The following APP variants were observed in gnomAD, a reference collection of about 807,000 sequenced individuals.
APP encodes the protein amyloid-beta precursor protein.
APP carries 31 observed loss-of-function variants against 101.4 expected under a neutral mutation model. That is an observed-to-expected ratio of 0.31 (90% CI 0.23 to 0.41). The LOEUF is 0.41. Among genes scored for constraint, APP ranks in the 10% least tolerant of loss-of-function variants. APP has a pLI of 1.00. For missense variants in APP, 839 were observed against 1,003.7 expected, an observed-to-expected ratio of 0.84 and a Z score of 2.22; for synonymous variants, 366 against 364.4, an observed-to-expected ratio of 1.00 and a Z score of -0.05.
chr21:26,058,789 T>C (rs45441392), intron 3 of APP, among the ~76,000 whole-genome samples: 96 of 151,686 alleles, frequency 6.3e-4, no homozygotes, highest in African/African-American at 2.1e-3. Flanking sequence ...ATGTTTAAAA[T>C]AAAGACATTA....
At chr21:26,100,468 T>C (rs1396293293) in intron 2 of APP, among the ~76,000 whole-genome samples, 2 of 152,228 alleles carry the variant, frequency 1.3e-5, no homozygotes, top group Non-Finnish European at 2.9e-5. Flanking sequence ...GTACCAGACC[T>C]TCTACCATAG....
chr21:25,985,096 A>G (rs1241705362), intron 8 of APP, among the ~76,000 whole-genome samples: 1 of 152,240 alleles, frequency 6.6e-6, no homozygotes, highest in Non-Finnish European at 1.5e-5. Flanking sequence ...GCACTTAGCA[A>G]CATAATAAGA....
At chr21:25,969,874 G>A (rs979734616) in intron 11 of APP, among the ~76,000 whole-genome samples, 3 of 16,504 alleles carry the variant, frequency 1.8e-4, no homozygotes, top group African/African-American at 2.0e-4. Context: ...GAAAAGAAAA[G>A]AGAAAAGAAA....
chr21:25,911,909 T>C lies in APP; in HGVS notation c.1741A>G (p.Ile581Val). ...CCGTAACTGATCCTTGGTTCACTAA[T>C]CATGTTGGCCAAGACGTCATCTGAA... ...NYSDDVLANM[I>V]SEPRISYGND... The change falls in exon 14 of 18, where the codon ATT becomes GTT. Residue 581 changes from isoleucine (I) to valine (V), a missense_variant. Transcript: ENST00000346798. The C allele has an allele frequency of 6.2e-7, 1 of 1,614,180 alleles. No individual in the cohort carries two copies. Among genetic ancestry groups the C allele is most frequent in the Non-Finnish European group, 8.5e-7 (1 of 1,180,036 alleles).
chr21:25,947,333 GC>G (rs34345720), intron 13 of APP, among the ~76,000 whole-genome samples: 152,340 of 152,340 alleles, frequency 1, 76,170 homozygotes, highest in Non-Finnish European at 1. Flanking sequence ...TTCGACACCT[GC>G]AGGTCTGTAA....
In APP at chr21:25,999,679, C is replaced by T. The variant is rs45523140; in HGVS notation, c.1033+336G>A. Among the ~76,000 whole-genome samples the T allele has an allele frequency of 7.9e-4, 121 of 152,292 alleles. 1 individual carries two copies. The highest frequency in any genetic ancestry group is 2.9e-3 in the African/African-American group (120 of 41,548). Reference sequence around the variant, plus strand: ...GTACACGGACAAACACATAAGTATGCATTTGCAGAAACGGCTGGCTGCAGA... The same window carrying T: ...GTACACGGACAAACACATAAGTATGTATTTGCAGAAACGGCTGGCTGCAGA... On this transcript the variant is annotated intron_variant, in intron 7 of 17. Coordinates refer to ENST00000346798, the MANE Select transcript of APP (RefSeq NM_000484.4).
chr21:26,163,000 G>C (rs1204808652), intron 1 of APP, among the ~76,000 whole-genome samples: 1 of 149,646 alleles, frequency 6.7e-6, no homozygotes, highest in African/African-American at 2.5e-5. Context: ...GGCCTAGGTG[G>C]GTGGATCACT....
chr21:25,934,558 C>G (rs1260252583), intron 13 of APP: 1 of 152,148 alleles, frequency 6.6e-6, no homozygotes, highest in East Asian at 1.9e-4. Context: ...GCCTCAGCCT[C>G]CCGAGTAGCT....
intron 6 of APP, among the ~76,000 whole-genome samples, chr21:26,017,803 T>C (rs2044167439): frequency 6.6e-6 from 1 of 152,220 alleles, no homozygotes; most frequent in Admixed American, 6.5e-5. Context: ...GGAGCAAGTA[T>C]CTAAATACAC....
chr21:26,140,713 A>T (rs1161980135), intron 1 of APP, among the ~76,000 whole-genome samples: 2 of 152,240 alleles, frequency 1.3e-5, no homozygotes, highest in African/African-American at 2.4e-5. Context: ...ACCTTTAAAA[A>T]TTCTGCTTTT....
intron 3 of APP, among the ~76,000 whole-genome samples, chr21:26,066,537 A>AT (rs1280015277): frequency 7.3e-6 from 1 of 137,342 alleles, no homozygotes; most frequent in Non-Finnish European, 1.5e-5. Context: ...GGAAACCACC[A>AT]TTCTGTTTTC....
intron 13 of APP, among the ~76,000 whole-genome samples, chr21:25,933,383 G>A (rs1569074382): frequency 6.6e-6 from 1 of 152,218 alleles, no homozygotes; most frequent in Non-Finnish European, 1.5e-5. Flanking sequence ...GACTATAGGT[G>A]TAAGCCATCG....
chr21:26,108,508 G>A (rs1275022312), intron 2 of APP, among the ~76,000 whole-genome samples: 5 of 152,208 alleles, frequency 3.3e-5, no homozygotes, highest in Admixed American at 1.3e-4. Flanking sequence ...CTGGGAGAAC[G>A]AAGATATATG....
rs373564278 is a variant in APP, at chr21:25,954,762, C to CT, written c.1588-74dup. 15,428 of 1,109,952 alleles carry CT rather than the reference C, an allele frequency of 0.014. 117 individuals carry two copies. Among genetic ancestry groups the CT allele is most frequent in the African/African-American group, 0.075 (4,712 of 62,946 alleles). 68.8% of individuals were successfully genotyped at this position (1,109,952 alleles called of 1,614,324 possible). On this transcript the variant is annotated intron_variant, in intron 12 of 17. Transcript: ENST00000346798. ...AATGGTTCTTTTTCTTTCTTTTTTT[C>CT]TTTTTTTTTTGAGACGGAGTCTCGC...
chr21:26,163,329 CCTT>C (rs1472927614), intron 1 of APP, among the ~76,000 whole-genome samples: 12 of 147,824 alleles, frequency 8.1e-5, no homozygotes, highest in Non-Finnish European at 1.6e-4. Flanking sequence ...CATAAGAAAA[CCTT>C]CTGACTTTGT....
chr21:26,096,455 T>C (rs2061943979), intron 2 of APP, among the ~76,000 whole-genome samples: 2 of 242 alleles, frequency 8.3e-3, no homozygotes, highest in African/African-American at 0.018. Flanking sequence ...GTGACTGTAT[T>C]TCAAACTCTG....
chr21:25,972,205 C>T (rs2042057584), intron 11 of APP, among the ~76,000 whole-genome samples: 1 of 151,872 alleles, frequency 6.6e-6, no homozygotes, highest in African/African-American at 2.4e-5. Flanking sequence ...CTATATACAA[C>T]AACTACAGTA....
intron 15 of APP, among the ~76,000 whole-genome samples, chr21:25,898,489 T>C (rs183365388): frequency 2.6e-5 from 4 of 152,224 alleles, no homozygotes; most frequent in African/African-American, 7.2e-5. Context: ...CATTTAATTA[T>C]CAAACATCAG....
At chr21:25,964,066 C>T (rs993147789) in intron 11 of APP, among the ~76,000 whole-genome samples, 6 of 152,180 alleles carry the variant, frequency 3.9e-5, no homozygotes, top group Non-Finnish European at 8.8e-5. Flanking sequence ...AACAACTAAT[C>T]TCTATTAATC....
Sources: allele counts gnomAD v4.1 joint callset (sites outside exome capture counted in the v4.1 genomes callset), GRCh38; gene constraint gnomAD v4.1.1; transcripts MANE v1.5; gene names NCBI Gene and HGNC (gene_info 2026-07-23, HGNC 2026-07-21).